The following CCDC180 variants were observed in gnomAD, a reference collection of about 807,000 sequenced individuals.
The protein encoded by CCDC180 is coiled-coil domain-containing protein 180.
In CCDC180, 154 loss-of-function variants were observed where a neutral mutation model predicts 209.2. The ratio of observed to expected loss-of-function variants is 0.74; its 90% CI spans 0.65 to 0.84. CCDC180 has a LOEUF of 0.84. Among genes scored for constraint, CCDC180 ranks in the 40% least tolerant of loss-of-function variants. CCDC180 has a pLI of 0.00. For synonymous variants in CCDC180, 778 were observed against 749.1 expected, an observed-to-expected ratio of 1.04 and a Z score of -0.63; for missense variants, 1,874 against 1,997.3, an observed-to-expected ratio of 0.94 and a Z score of 1.18.
intron 18 of CCDC180, among the ~76,000 whole-genome samples, chr9:97,336,847 G>C (rs988565445): frequency 1.3e-5 from 2 of 152,082 alleles, no homozygotes; most frequent in Non-Finnish European, 2.9e-5. Context: ...TTTGAGCAGT[G>C]GTTTGTAGTT....
In CCDC180 at chr9:97,370,652, C is replaced by T. The variant is rs1006051196; in HGVS notation, c.4362C>T (p.Ala1454=). 1 of 1,613,520 alleles carries T rather than the reference C, an allele frequency of 6.2e-7. No individual in the cohort carries two copies. Among genetic ancestry groups the T allele is most frequent in the Admixed American group, 1.7e-5 (1 of 59,906 alleles). ...KRLEKRKDKN[A]QKLHLNLGHP... is the part of the protein sequence containing the mutation. ...TTGTTTGATTAAAGGACAAAAATGCCCAGAAGCTCCATCTAAATCTTGGAC... is the reference window on the plus strand; with the variant it reads ...TTGTTTGATTAAAGGACAAAAATGCTCAGAAGCTCCATCTAAATCTTGGAC... The change falls in exon 33 of 37, where the codon GCC becomes GCT. Residue 1454 remains alanine (A), a synonymous_variant. Transcript: ENST00000529487.
chr9:97,328,057 A>G lies in CCDC180; in HGVS notation c.1699A>G (p.Met567Val). The change falls in exon 16 of 37, where the codon ATG (methionine) becomes GTG (valine). Residue 567 changes from methionine to valine, a missense_variant. Physicochemically the swap from Met to Val is conservative, Grantham distance 21. Coordinates refer to ENST00000529487, the MANE Select transcript of CCDC180 (RefSeq NM_020893.6). ...TCACACCCTCCTGACAAAGGAAGTG[A>G]TGGAGTACCCAGCGATCATGCTGAA... ...CFHTLLTKEV[M>V]EYPAIMLKEL... 6.2e-7 allele frequency: 1 copy of G among 1,614,034 alleles called. No individual in the cohort carries two copies. Among genetic ancestry groups the G allele is most frequent in the East Asian group, 2.2e-5 (1 of 44,846 alleles).
chr9:97,376,007 A>G (rs1411295799), intron 36 of CCDC180: 1 of 189,498 alleles, frequency 5.3e-6, no homozygotes, highest in Non-Finnish European at 1.1e-5. Flanking sequence ...TGCTCTTGAC[A>G]TGAGGCATCT....
intron 20 of CCDC180, among the ~76,000 whole-genome samples, chr9:97,348,300 C>G (rs1826332175): frequency 6.6e-6 from 1 of 152,100 alleles, no homozygotes; most frequent in African/African-American, 2.4e-5. Flanking sequence ...GCCTTGAATC[C>G]CAGCGTTTGT....
Position 97,370,102 on chromosome 9 carries a change from C to A in CCDC180, c.4350+20C>A. 1 of 1,610,564 alleles carries A rather than the reference C, an allele frequency of 6.2e-7. No homozygotes were observed. Among genetic ancestry groups the A allele is most frequent in the Non-Finnish European group, 8.5e-7 (1 of 1,178,504 alleles). On this transcript the variant is annotated intron_variant, in intron 32 of 36. Transcript: ENST00000529487. The stretch of plus-strand genomic sequence containing the variant: ...AGAAAGGTGAGGGCCCCAGGACCAG[C>A]CCTTCCACTCTAGGACCAGGGGAAC...
chr9:97,343,495 C>T lies in CCDC180; in HGVS notation c.2430C>T (p.Asp810=), dbSNP rs1826152069. The T allele has an allele frequency of 6.2e-7, 1 of 1,613,978 alleles. No individual in the cohort carries two copies. Among genetic ancestry groups the T allele is most frequent in the Non-Finnish European group, 8.5e-7 (1 of 1,180,004 alleles). ...CCTTCTCAGCCATGTTCATCAACGA[C>T]ACTTCCAGTGCCAAGTTCATAGAAC... ...HSTFSAMFIN[D]TSSAKFIEQV... Residue 810 remains aspartate, a synonymous_variant, in exon 19 of 37, where the codon GAC becomes GAT. Coordinates refer to ENST00000529487, the MANE Select transcript of CCDC180 (RefSeq NM_020893.6).
In CCDC180 at chr9:97,317,229, G is replaced by A. The variant is rs759162908; in HGVS notation, c.959+1G>A. 6.3e-7 allele frequency: 1 copy of A among 1,585,994 alleles called. No individual in the cohort carries two copies. Among genetic ancestry groups the A allele is most frequent in the South Asian group, 1.1e-5 (1 of 89,032 alleles). ...AGGAGGCCCTGCTGCAGAGTTTCAG[G>A]TCAGTGCCGCCCACACAGCTCCTTC... On this transcript the variant is annotated splice_donor_variant, in intron 9 of 36. Transcript: ENST00000529487. LOFTEE classifies it high-confidence loss of function.
In CCDC180 at chr9:97,361,820, A is replaced by T. The variant is rs1329280852; in HGVS notation, c.3578A>T (p.Glu1193Val). ...EEAKLDVVTPESFTQLSRVGK... is the reference protein window; with the variant it reads ...EEAKLDVVTPVSFTQLSRVGK... ...GCCAAGCTGGACGTGGTCACCCCTG[A>T]GTCCTTCACCCAGCTGAGCCGCGTG... The change falls in exon 27 of 37, where the codon GAG becomes GTG. Residue 1193 changes from glutamate (E) to valine (V), a missense_variant. Physicochemically the swap from Glu to Val is moderately radical, Grantham distance 121. Coordinates refer to ENST00000529487, the MANE Select transcript of CCDC180 (RefSeq NM_020893.6). 1 of 1,614,170 alleles carries T rather than the reference A, an allele frequency of 6.2e-7. No individual in the cohort carries two copies. Among genetic ancestry groups the T allele is most frequent in the Non-Finnish European group, 8.5e-7 (1 of 1,180,022 alleles).
At chr9:97,362,495 A>G (rs577204352) in intron 28 of CCDC180, 54 bp downstream of exon 28, 7 of 1,583,720 alleles carry the variant, frequency 4.4e-6, no homozygotes, top group African/African-American at 1.3e-5. Context: ...CCCCACACAA[A>G]GGCAGGAGAT....
chr9:97,343,625 AT>A, intron 19 of CCDC180, 62 bp downstream of exon 19: 1 of 1,189,834 alleles, frequency 8.4e-7, no homozygotes, highest in Non-Finnish European at 1.2e-6. Flanking sequence ...AAGGTGAAAT[AT>A]TAAAAAAAAA....
chr9:97,322,062 G>T (rs942515303), intron 11 of CCDC180, among the ~76,000 whole-genome samples: 1 of 152,136 alleles, frequency 6.6e-6, no homozygotes, highest in Non-Finnish European at 1.5e-5. Flanking sequence ...GGCGCAAATG[G>T]CCCAGAGGGA....
At chr9:97,323,935 TG>T in intron 13 of CCDC180, 32 bp downstream of exon 13, 1 of 1,548,576 alleles carries the variant, frequency 6.5e-7, no homozygotes, top group Non-Finnish European at 8.7e-7. Flanking sequence ...ACTGGGGAGC[TG>T]AGGTGGGGTT....
At chr9:97,344,943 G>T (rs942997705) in intron 19 of CCDC180, among the ~76,000 whole-genome samples, 1 of 151,914 alleles carries the variant, frequency 6.6e-6, no homozygotes, top group Non-Finnish European at 1.5e-5. Context: ...AGTTTATTTT[G>T]CTTATTTTTT....
intron 18 of CCDC180, among the ~76,000 whole-genome samples, chr9:97,334,686 G>C (rs1447715169): frequency 6.6e-6 from 1 of 151,994 alleles, no homozygotes; most frequent in Non-Finnish European, 1.5e-5. Context: ...CTGATGAAAT[G>C]TCGAGTCATA....
Position 97,366,804 on chromosome 9 carries a change from G to GATCCAGGC in CCDC180, c.4189+104_4189+105insATCCAGGC. ...GCCTGGATCCTCCCCTCTGGGGGAG[G>GATCCAGGC]CAGAAGAGCTTCCCTGTGAAAAGCT... On this transcript the variant is annotated intron_variant, in intron 31 of 36. Transcript: ENST00000529487. The surrounding 1 kb of genome is among the most constrained non-coding windows in gnomAD (Gnocchi z 4.3). The GATCCAGGC allele has an allele frequency of 1.6e-6, 2 of 1,231,454 alleles. No individual in the cohort carries two copies. The highest frequency in any genetic ancestry group is 1.8e-5 in the South Asian group (1 of 55,614). The allele number at this position is 1,231,454 out of a possible 1,614,324, so 76.3% of individuals were successfully genotyped here.
Position 97,350,480 on chromosome 9 carries a change from G to T in CCDC180, c.2927G>T (p.Arg976Leu), listed in dbSNP as rs749258986. ...SYVDVTQVSL[R>L]SFRQYLEESL... ...GTTGATGTCACCCAGGTGTCCCTGCGCAGCTTCCGGCAGTACTTGGAGGAG... is the reference window on the plus strand; with the variant it reads ...GTTGATGTCACCCAGGTGTCCCTGCTCAGCTTCCGGCAGTACTTGGAGGAG... The change falls in exon 22 of 37, where the codon CGC (arginine) becomes CTC (leucine). Residue 976 changes from arginine to leucine, a missense_variant. Arg to Leu is a moderately radical substitution (Grantham distance 102). Coordinates refer to ENST00000529487, the MANE Select transcript of CCDC180 (RefSeq NM_020893.6). The T allele has an allele frequency of 8.5e-6, 13 of 1,536,370 alleles. No homozygotes were observed. The highest frequency in any genetic ancestry group is 2.4e-5 in the East Asian group (1 of 40,920).
rs1285714155 is a variant in CCDC180 at position 97,366,648 on chromosome 9, G to C, written c.4137G>C (p.Lys1379Asn). 11 of 1,614,194 alleles carry C rather than the reference G, an allele frequency of 6.8e-6. No individual in the cohort carries two copies. Among genetic ancestry groups the C allele is most frequent in the Non-Finnish European group, 9.3e-6 (11 of 1,180,032 alleles). ...FDQCAENISK[K>N]ILEYQSQANK... ...AGTGCGCCGAGAACATTAGCAAAAA[G>C]ATCCTGGAGTATCAGAGCCAGGCAA... Residue 1379 changes from lysine to asparagine, a missense_variant, in exon 31 of 37, where the codon AAG becomes AAC. Physicochemically the swap from Lys to Asn is moderately conservative, Grantham distance 94. Coordinates refer to ENST00000529487, the MANE Select transcript of CCDC180 (RefSeq NM_020893.6). The surrounding 1 kb of genome is among the most constrained non-coding windows in gnomAD (Gnocchi z 4.3).
intron 35 of CCDC180, among the ~76,000 whole-genome samples, chr9:97,375,239 C>T (rs892373605): frequency 3.0e-4 from 46 of 152,326 alleles, no homozygotes; most frequent in African/African-American, 1.1e-3. Flanking sequence ...CCCCAGAACC[C>T]CAGACCGTGC....
chr9:97,307,960 G>T (rs1587773170), intron 1 of CCDC180, 23 bp from the exon 2 acceptor site: 1 of 1,583,418 alleles, frequency 6.3e-7, no homozygotes, highest in African/African-American at 1.3e-5. Context: ...CTGAGTTTGG[G>T]ACGGGCGATT....
Sources: allele counts gnomAD v4.1 joint callset (sites outside exome capture counted in the v4.1 genomes callset), GRCh38; gene constraint gnomAD v4.1.1; non-coding constraint Gnocchi (gnomAD v3.1); transcripts MANE v1.5; gene names NCBI Gene and HGNC (gene_info 2026-07-23, HGNC 2026-07-21).